The following SLC22A2 variants were observed in gnomAD, a reference collection of about 807,000 sequenced individuals.
SLC22A2 encodes the protein solute carrier family 22 member 2.
SLC22A2 carries 46 observed loss-of-function variants against 60.5 expected under a neutral mutation model. The observed-to-expected ratio is 0.76, with a 90% CI of 0.60 to 0.97. The LOEUF is 0.97. SLC22A2 is among the 50% of genes least tolerant of loss of function. The pLI is 0.00. For missense variants in SLC22A2, 701 were observed against 706.6 expected (o/e 0.99, Z 0.09); for synonymous variants, 303 against 267.0 (o/e 1.13, Z -1.31).
At chr6:160,233,541 A>G (rs1247854964) in intron 9 of SLC22A2, among the ~76,000 whole-genome samples, 2 of 151,878 alleles carry the variant, frequency 1.3e-5, no homozygotes, top group Admixed American at 6.5e-5. Context: ...CCAAACAAGT[A>G]ATTACACTGA....
Position 160,249,357 on chromosome 6 carries a change from C to T in SLC22A2, c.701G>A (p.Arg234Gln), listed in dbSNP as rs193032995. The T allele has an allele frequency of 1.7e-5, 27 of 1,613,370 alleles. No homozygotes were observed. Among genetic ancestry groups the T allele is most frequent in the South Asian group, 8.8e-5 (8 of 90,942 alleles). Residue 234 changes from arginine to glutamine, a missense_variant, in exon 4 of 11, where the codon CGG (arginine) becomes CAG (glutamine). By Grantham distance (43) the Arg-to-Gln change is conservative. Transcript: ENST00000366953. The stretch of plus-strand genomic sequence containing the variant: ...TTGGTAAAAAATCCCCACTGTTCTC[C>T]GATATCTCCGCCCAACAAATTCTGT... ...LITEFVGRRY[R>Q]RTVGIFYQVA...
intron 9 of SLC22A2, among the ~76,000 whole-genome samples, chr6:160,231,206 T>C (rs1486565671): frequency 6.6e-6 from 1 of 151,908 alleles, no homozygotes; most frequent in East Asian, 1.9e-4. Flanking sequence ...GACAACATTC[T>C]TTTATGCACT....
chr6:160,255,696 G>A (rs1783258927), intron 2 of SLC22A2, among the ~76,000 whole-genome samples: 1 of 152,180 alleles, frequency 6.6e-6, no homozygotes, highest in Non-Finnish European at 1.5e-5. Context: ...TACCCACAAT[G>A]TTGAACACAG....
intron 6 of SLC22A2, 84 bp downstream of exon 6, chr6:160,245,355 G>A (rs902732652): frequency 8.2e-6 from 6 of 735,016 alleles, no homozygotes; most frequent in Non-Finnish European, 1.4e-5. Context: ...ACCGGGATGA[G>A]GTCATGTTTT....
chr6:160,242,180 CT>C, intron 8 of SLC22A2, 113 bp downstream of exon 8: 1 of 732,324 alleles, frequency 1.4e-6, no homozygotes, highest in Non-Finnish European at 2.5e-6. Flanking sequence ...GTGTTCTCAC[CT>C]TCCCTTACAC....
At chr6:160,231,932 C>CT (rs1782832000) in intron 9 of SLC22A2, among the ~76,000 whole-genome samples, 1 of 151,924 alleles carries the variant, frequency 6.6e-6, no homozygotes, top group African/African-American at 2.4e-5. Flanking sequence ...CCCTGTAGCC[C>CT]TTTTATCCAA....
chr6:160,222,603 G>C (rs1159666180), intron 10 of SLC22A2, among the ~76,000 whole-genome samples: 2 of 152,192 alleles, frequency 1.3e-5, no homozygotes, highest in Admixed American at 6.5e-5. Flanking sequence ...TTGACGGGAG[G>C]TGCCCATGTG....
intron 3 of SLC22A2, among the ~76,000 whole-genome samples, chr6:160,249,937 G>A (rs183693707): frequency 6.6e-5 from 10 of 152,324 alleles, no homozygotes; most frequent in Admixed American, 5.2e-4. Context: ...GGTTCAACCC[G>A]TTGGTATCAG....
intron 2 of SLC22A2, 132 bp from the exon 3 acceptor site, chr6:160,250,834 C>A: frequency 2.4e-6 from 2 of 850,576 alleles, no homozygotes; most frequent in East Asian, 2.6e-5. Context: ...CCAGGAGGCA[C>A]AGACTGATAG....
At chr6:160,258,282 G>A in intron 1 of SLC22A2, 62 bp downstream of exon 1, 1 of 1,523,446 alleles carries the variant, frequency 6.6e-7, no homozygotes, top group Non-Finnish European at 8.8e-7. Flanking sequence ...TTCCCTGCTT[G>A]CTTCCTTGAG....
At chr6:160,250,426 A>G in intron 3 of SLC22A2, 122 bp downstream of exon 3, 1 of 893,890 alleles carries the variant, frequency 1.1e-6, no homozygotes, top group Non-Finnish European at 1.8e-6. Context: ...ATACAGAAAT[A>G]AAAAAATCTC....
At chr6:160,227,517 C>T (rs1476884236) in intron 9 of SLC22A2, among the ~76,000 whole-genome samples, 1 of 152,206 alleles carries the variant, frequency 6.6e-6, no homozygotes, top group Non-Finnish European at 1.5e-5. Context: ...AAGCTGTAAT[C>T]CAACTACCTT....
chr6:160,218,337 C>T (rs936097570), intron 10 of SLC22A2: 1 of 360,648 alleles, frequency 2.8e-6, no homozygotes, highest in African/African-American at 2.1e-5. Flanking sequence ...GTAGAAATAG[C>T]AGCAATAGAA....
At position 160,256,631 on chromosome 6, in the gene SLC22A2, G is replaced by A. The variant is rs749436629; in HGVS notation, c.501C>T (p.Ile167=). 155 of 1,612,048 alleles carry A rather than the reference G, an allele frequency of 9.6e-5. No homozygotes were observed. In the South Asian group the frequency reaches 1.2e-3, roughly 12 times the overall value. The change falls in exon 2 of 11, where the codon ATC becomes ATT. Residue 167 remains isoleucine (I), a synonymous_variant. Transcript: ENST00000366953. ...CAACCTACCTGTCTGCTATGTAGCC[G>A]ATACTCATAGAGCCAATAAAGAATC... ...NVGFFIGSMS[I]GYIADRFGRK...
At chr6:160,241,880 T>C (rs1562435286) in intron 8 of SLC22A2, among the ~76,000 whole-genome samples, 2 of 4,398 alleles carry the variant, frequency 4.5e-4, no homozygotes, top group Non-Finnish European at 2.1e-3. Context: ...CAATATTTTA[T>C]ATATATATAT....
In SLC22A2 at chr6:160,241,599, A is replaced by C; in HGVS notation, c.1389-13T>G. ...GACGCCAAGATTCCTAGAATGCAGG[A>C]AACTGATTTAACTTGTTAACTTATC... On this transcript the variant is annotated splice_polypyrimidine_tract_variant and intron_variant, in intron 8 of 10. Coordinates refer to ENST00000366953, the MANE Select transcript of SLC22A2 (RefSeq NM_003058.4). 6.4e-7 allele frequency: 1 copy of C among 1,554,748 alleles called. No homozygotes were observed. The highest frequency in any genetic ancestry group is 8.9e-7 in the Non-Finnish European group (1 of 1,126,318).
At chr6:160,218,346 AAGCAGCAGC>A (rs1250237606) in intron 10 of SLC22A2, 1 of 204,834 alleles carries the variant, frequency 4.9e-6, no homozygotes, top group East Asian at 1.4e-4. Context: ...GCAGCAATAG[AAGCAGCAGC>A]AGGAACAACA....
intron 2 of SLC22A2, 138 bp downstream of exon 2, chr6:160,256,476 A>G (rs1241169220): frequency 3.1e-6 from 2 of 638,780 alleles, no homozygotes; most frequent in Middle Eastern, 3.3e-4. Context: ...TTAAGATTGT[A>G]AAAACACCAG....
In SLC22A2 at chr6:160,258,411, C is replaced by T. The variant is rs766277243; in HGVS notation, c.347G>A (p.Arg116His). 2 of 1,605,992 alleles carry T rather than the reference C, an allele frequency of 1.2e-6. No individual in the cohort carries two copies. The highest frequency in any genetic ancestry group is 1.7e-5 in the Admixed American group (1 of 59,636). Residue 116 changes from arginine to histidine, a missense_variant, in exon 1 of 11, where the codon CGC becomes CAC. Transcript: ENST00000366953. ...PLASLDTNRS[R>H]LPLGPCRDGW... Reference sequence around the variant, plus strand: ...GTCCCGGCAGGGGCCCAGTGGCAGGCGGCTCCTGTTGGTGTCCAGGCTGGC... The same window carrying T: ...GTCCCGGCAGGGGCCCAGTGGCAGGTGGCTCCTGTTGGTGTCCAGGCTGGC...
Sources: allele counts gnomAD v4.1 joint callset (sites outside exome capture counted in the v4.1 genomes callset), GRCh38; gene constraint gnomAD v4.1.1; transcripts MANE v1.5; gene names NCBI Gene and HGNC (gene_info 2026-07-23, HGNC 2026-07-21).